The following SESTD1 variants were observed in gnomAD, a reference collection of about 807,000 sequenced individuals.
SESTD1 encodes SEC14 domain and spectrin repeat-containing protein 1.
In SESTD1, 43 loss-of-function variants were observed where a neutral mutation model predicts 101.7. The observed-to-expected ratio is 0.42, with a 90% CI of 0.33 to 0.55. The LOEUF (loss-of-function observed/expected upper bound fraction) is 0.55, where lower values mean the gene tolerates loss of function less well. Among genes scored for constraint, SESTD1 ranks in the 20% least tolerant of loss-of-function variants. SESTD1 has a pLI of 0.07. For synonymous variants in SESTD1, 283 were observed against 286.8 expected, an observed-to-expected ratio of 0.99 and a Z score of 0.13; for missense variants, 647 against 815.1, an observed-to-expected ratio of 0.79 and a Z score of 2.51.
intron 9 of SESTD1, among the ~76,000 whole-genome samples, chr2:179,139,349 T>C (rs1218621657): frequency 6.6e-6 from 1 of 152,126 alleles, no homozygotes; most frequent in African/African-American, 2.4e-5. Flanking sequence ...TGATGCCTGA[T>C]TTACATACAG....
chr2:179,119,301 A>G (rs2044698509), intron 13 of SESTD1, among the ~76,000 whole-genome samples: 1 of 152,228 alleles, frequency 6.6e-6, no homozygotes, highest in South Asian at 2.1e-4. Flanking sequence ...TTAAGCTATA[A>G]GGGATGAGAA....
intron 1 of SESTD1, among the ~76,000 whole-genome samples, chr2:179,228,738 CAAG>C (rs1274847540): frequency 5.9e-5 from 9 of 152,160 alleles, no homozygotes; most frequent in East Asian, 1.9e-4. Context: ...AAAAGACTAA[CAAG>C]AAGAACAAAT....
intron 8 of SESTD1, among the ~76,000 whole-genome samples, chr2:179,145,416 T>TA (rs1349872820): frequency 2.0e-5 from 3 of 152,208 alleles, no homozygotes; most frequent in African/African-American, 7.2e-5. Flanking sequence ...ATGACAATAG[T>TA]ATCTATTTCA....
At chr2:179,112,690 A>G in intron 17 of SESTD1, 34 bp downstream of exon 17, 1 of 1,562,782 alleles carries the variant, frequency 6.4e-7, no homozygotes, top group Non-Finnish European at 8.6e-7. Flanking sequence ...GACCACACCA[A>G]TAAAAAATAA....
rs1295678753 is a variant in SESTD1, at chr2:179,116,667, C to G, written c.1647+1G>C. ...GAAAAGGAAGATAACCAGTTTTGCA[C>G]CTGTGCAACATCAACAAATTTTCTA... On this transcript the variant is annotated splice_donor_variant, in intron 15 of 17. Transcript: ENST00000428443. LOFTEE classifies it high-confidence loss of function. 1 of 1,614,044 alleles carries G rather than the reference C, an allele frequency of 6.2e-7. No homozygotes were observed.
intron 1 of SESTD1, among the ~76,000 whole-genome samples, chr2:179,194,577 G>A (rs1404754130): frequency 6.6e-6 from 1 of 152,132 alleles, no homozygotes; most frequent in African/African-American, 2.4e-5. Context: ...AGCAGATGAA[G>A]TGCATACCCC....
At chr2:179,224,407 C>G (rs1283190620) in intron 1 of SESTD1, among the ~76,000 whole-genome samples, 1 of 152,148 alleles carries the variant, frequency 6.6e-6, no homozygotes, top group Admixed American at 6.6e-5. Flanking sequence ...AAGGCTAAGT[C>G]CAAGGATACA....
chr2:179,258,733 A>G (rs528601354), intron 1 of SESTD1, among the ~76,000 whole-genome samples: 9 of 152,136 alleles, frequency 5.9e-5, no homozygotes, highest in Non-Finnish European at 1.2e-4. Flanking sequence ...CTGACCACTA[A>G]CTTACAATTT....
intron 2 of SESTD1, among the ~76,000 whole-genome samples, chr2:179,184,559 C>CAA (rs397960616): frequency 2.2e-4 from 31 of 140,942 alleles, no homozygotes; most frequent in African/African-American, 7.5e-4. Flanking sequence ...TGTCATTTCT[C>CAA]AAAAAAAAAA....
intron 13 of SESTD1, among the ~76,000 whole-genome samples, chr2:179,120,513 C>G (rs2044726347): frequency 6.6e-6 from 1 of 152,008 alleles, no homozygotes; most frequent in Non-Finnish European, 1.5e-5. Flanking sequence ...AGCTAGTGGC[C>G]AAGAAATCAG....
intron 2 of SESTD1, among the ~76,000 whole-genome samples, chr2:179,190,407 T>A (rs1442138403): frequency 6.6e-6 from 1 of 152,124 alleles, no homozygotes; most frequent in Non-Finnish European, 1.5e-5. Context: ...AATTAAAGAC[T>A]TAAACCTAAG....
intron 10 of SESTD1, among the ~76,000 whole-genome samples, chr2:179,128,438 C>A (rs1011250023): frequency 1.3e-5 from 2 of 151,984 alleles, no homozygotes; most frequent in Non-Finnish European, 2.9e-5. Context: ...TCCTAAAAAA[C>A]GGGTATGTAC....
chr2:179,197,583 G>A (rs202170440), intron 1 of SESTD1, among the ~76,000 whole-genome samples: 11 of 152,210 alleles, frequency 7.2e-5, no homozygotes, highest in Non-Finnish European at 1.5e-4. Flanking sequence ...CCCTCAAAGG[G>A]AAGCCCATCA....
At chr2:179,181,240 G>A (rs941538854) in intron 3 of SESTD1, among the ~76,000 whole-genome samples, 2 of 152,126 alleles carry the variant, frequency 1.3e-5, no homozygotes, top group Admixed American at 6.6e-5. Flanking sequence ...GAATGAATCT[G>A]CTGGTCCTTT....
chr2:179,132,457 A>G, intron 9 of SESTD1, 31 bp from the exon 10 acceptor site: 1 of 1,539,476 alleles, frequency 6.5e-7, no homozygotes, highest in Non-Finnish European at 8.6e-7. Flanking sequence ...AACATTTTTT[A>G]AAGAATCAGA....
At chr2:179,147,393 G>A (rs531482750) in intron 7 of SESTD1, among the ~76,000 whole-genome samples, 1 of 147,682 alleles carries the variant, frequency 6.8e-6, no homozygotes. Context: ...ACGGAGTCTC[G>A]CTCTGTCACC....
Position 179,116,805 on chromosome 2 carries a change from A to T in SESTD1, c.1525-15T>A. 2 of 1,610,388 alleles carry T rather than the reference A, an allele frequency of 1.2e-6. No homozygotes were observed. On this transcript the variant is annotated splice_polypyrimidine_tract_variant and intron_variant, in intron 14 of 17. Transcript: ENST00000428443. ...CATTCTACTGCCTAAACAAAAAGAC[A>T]TAACAATGAAGCTGGATTCAGAACT...
Position 179,109,717 on chromosome 2 carries a change from G to T in SESTD1, c.*182C>A. 1 of 666,000 alleles carries T rather than the reference G, an allele frequency of 1.5e-6. No individual in the cohort carries two copies. Among genetic ancestry groups the T allele is most frequent in the Non-Finnish European group, 2.4e-6 (1 of 408,904 alleles). 41.3% of individuals were successfully genotyped at this position (666,000 alleles called of 1,614,324 possible). A position where few individuals can be genotyped will look rare whatever the true frequency, so the allele number is the denominator to read the frequency against. On this transcript the variant is annotated 3_prime_UTR_variant, in exon 18 of 18. Coordinates refer to ENST00000428443, the MANE Select transcript of SESTD1 (RefSeq NM_178123.5). ...GATACTTGGAATCTACAGCCTCGAAGCATGTTAAGTAATTATGCCTTGGTA... is the reference window on the plus strand; with the variant it reads ...GATACTTGGAATCTACAGCCTCGAATCATGTTAAGTAATTATGCCTTGGTA...
In SESTD1 at chr2:179,187,032, T is replaced by C. The variant is rs567184392; in HGVS notation, c.56-3844A>G. On this transcript the variant is annotated intron_variant, in intron 2 of 17. Transcript: ENST00000428443. Reference sequence around the variant, plus strand: ...TCACATCCCACCAAACTAAGCTTTATAAGTGAAGGAGAAATAAAATCTTTT... The same window carrying C: ...TCACATCCCACCAAACTAAGCTTTACAAGTGAAGGAGAAATAAAATCTTTT... Among the ~76,000 whole-genome samples, 5 of 152,272 alleles carry C rather than the reference T, an allele frequency of 3.3e-5. No individual in the cohort carries two copies. In the South Asian group the frequency reaches 1.0e-3, roughly 32 times the overall value.
Sources: allele counts gnomAD v4.1 joint callset (sites outside exome capture counted in the v4.1 genomes callset), GRCh38; gene constraint gnomAD v4.1.1; transcripts MANE v1.5; gene names NCBI Gene and HGNC (gene_info 2026-07-23, HGNC 2026-07-21).